RBFOX1: variants seen among roughly 807,000 people sequenced by gnomAD.
RBFOX1 encodes RNA binding fox-1 homolog 1, also known as RNA binding protein fox-1 homolog 1.
Under a neutral mutation model 57.7 loss-of-function variants are expected in RBFOX1, and 8 were observed. The observed-to-expected ratio is 0.14, with a 90% CI of 0.08 to 0.25. The LOEUF (loss-of-function observed/expected upper bound fraction) is 0.25, where lower values mean the gene tolerates loss of function less well. Ranked by LOEUF, RBFOX1 falls within the 10% of genes least tolerant of loss-of-function variation. The pLI is 1.00. For synonymous variants in RBFOX1, 326 were observed against 222.4 expected, an observed-to-expected ratio of 1.47 and a Z score of -4.15; for missense variants, 611 against 548.5, an observed-to-expected ratio of 1.11 and a Z score of -1.14.
intron 3 of RBFOX1, among the ~76,000 whole-genome samples, chr16:6,894,228 G>C (rs762291830): frequency 6.6e-6 from 1 of 152,078 alleles, no homozygotes; most frequent in Admixed American, 6.6e-5. Context: ...TGCATTTTCT[G>C]TCACAGATGG....
intron 3 of RBFOX1, among the ~76,000 whole-genome samples, chr16:6,886,628 A>T (rs529833755): frequency 6.6e-6 from 1 of 151,986 alleles, no homozygotes; most frequent in Admixed American, 6.6e-5. Context: ...GGTGGTGCTC[A>T]CCTGTAATCC....
At chr16:7,440,977 C>T (rs548413440) in intron 4 of RBFOX1, among the ~76,000 whole-genome samples, 3 of 152,072 alleles carry the variant, frequency 2.0e-5, no homozygotes, top group Admixed American at 6.5e-5. Flanking sequence ...CAGAGTTTGA[C>T]GTTGCGCTGA....
At chr16:6,556,683 C>T (rs74005284) in intron 2 of RBFOX1, among the ~76,000 whole-genome samples, 1 of 152,032 alleles carries the variant, frequency 6.6e-6, no homozygotes, top group African/African-American at 2.4e-5. Context: ...GTTATAATCA[C>T]ATGATATAGA....
intron 1 of RBFOX1, among the ~76,000 whole-genome samples, chr16:6,137,770 G>A (rs2152692323): frequency 6.6e-6 from 1 of 151,864 alleles, no homozygotes; most frequent in East Asian, 1.9e-4. Flanking sequence ...ATCACACCTG[G>A]CTAATTTTTA....
At chr16:6,700,456 G>C (rs1179028563) in intron 3 of RBFOX1, among the ~76,000 whole-genome samples, 1 of 151,986 alleles carries the variant, frequency 6.6e-6, no homozygotes, top group Non-Finnish European at 1.5e-5. Context: ...TCAGGAGTTG[G>C]AGACCAGCCT....
At chr16:5,478,903 G>C (rs2069424367) in intron 2 of RBFOX1, among the ~76,000 whole-genome samples, 1 of 152,136 alleles carries the variant, frequency 6.6e-6, no homozygotes, top group Non-Finnish European at 1.5e-5. Flanking sequence ...TCTGTATTTG[G>C]GTTTAGGGAT....
At chr16:5,960,688 A>G (rs1225106672) in intron 4 of RBFOX1, among the ~76,000 whole-genome samples, 1 of 152,120 alleles carries the variant, frequency 6.6e-6, no homozygotes, top group East Asian at 1.9e-4. Flanking sequence ...TCCCTGAAAG[A>G]GTTTTCAACT....
chr16:7,379,145 T>C (rs560365549), intron 4 of RBFOX1, among the ~76,000 whole-genome samples: 16 of 152,206 alleles, frequency 1.1e-4, no homozygotes, highest in South Asian at 1.0e-3. Context: ...TTGTTAATAG[T>C]GGGGATAGCA....
chr16:6,786,752 G>T (rs139539369), intron 3 of RBFOX1, among the ~76,000 whole-genome samples: 1 of 152,214 alleles, frequency 6.6e-6, no homozygotes, highest in East Asian at 1.9e-4. Flanking sequence ...AGTTGGAAAT[G>T]AGATACTTAA....
intron 4 of RBFOX1, among the ~76,000 whole-genome samples, chr16:5,960,738 T>C (rs1310529364): frequency 6.6e-6 from 1 of 152,288 alleles, no homozygotes; most frequent in Admixed American, 6.5e-5. Context: ...ATTCTGTCAG[T>C]GTGGAGCAAC....
At chr16:7,500,129 A>G (rs2070215121) in intron 4 of RBFOX1, among the ~76,000 whole-genome samples, 1 of 152,158 alleles carries the variant, frequency 6.6e-6, no homozygotes, top group Non-Finnish European at 1.5e-5. Flanking sequence ...TAGCTACGGA[A>G]GAATAATATT....
chr16:5,566,477 G>A (rs556774658), intron 2 of RBFOX1, among the ~76,000 whole-genome samples: 1 of 151,798 alleles, frequency 6.6e-6, no homozygotes, highest in Non-Finnish European at 1.5e-5. Context: ...CCGCTCCCTC[G>A]GGTTGTTATA....
chr16:7,195,468 C>G (rs914633700), intron 4 of RBFOX1, among the ~76,000 whole-genome samples: 2 of 152,312 alleles, frequency 1.3e-5, no homozygotes, highest in East Asian at 3.9e-4. Context: ...CAAGGCAAAA[C>G]AGAACAACTG....
At chr16:6,973,042 A>C (rs2085938836) in intron 3 of RBFOX1, among the ~76,000 whole-genome samples, 1 of 152,128 alleles carries the variant, frequency 6.6e-6, no homozygotes. Context: ...GAGGAAGTAG[A>C]ATCAGTTGAA....
chr16:7,205,247 G>T (rs932198504), intron 4 of RBFOX1, among the ~76,000 whole-genome samples: 1 of 152,104 alleles, frequency 6.6e-6, no homozygotes, highest in Non-Finnish European at 1.5e-5. Flanking sequence ...GCGGGGCGTG[G>T]CGGCTCACAC....
intron 3 of RBFOX1, among the ~76,000 whole-genome samples, chr16:6,961,708 C>A (rs914733936): frequency 6.6e-6 from 1 of 152,150 alleles, no homozygotes; most frequent in Non-Finnish European, 1.5e-5. Context: ...AGGTTCCTTC[C>A]TCACCTTTAG....
At chr16:6,850,573 T>A (rs565250185) in intron 3 of RBFOX1, among the ~76,000 whole-genome samples, 1 of 152,320 alleles carries the variant, frequency 6.6e-6, no homozygotes, top group Admixed American at 6.5e-5. Context: ...ATTATATCCC[T>A]ACTGGCCTTA....
intron 4 of RBFOX1, among the ~76,000 whole-genome samples, chr16:6,006,826 T>C (rs984166145): frequency 6.6e-6 from 1 of 152,058 alleles, no homozygotes; most frequent in Non-Finnish European, 1.5e-5. Context: ...CCTAAGAGGA[T>C]TGTAGGAGGG....
chr16:7,391,162 C>T (rs912202540), intron 4 of RBFOX1, among the ~76,000 whole-genome samples: 22 of 152,170 alleles, frequency 1.4e-4, no homozygotes, highest in African/African-American at 5.3e-4. Context: ...GCAGCATGTC[C>T]AGACACTGCC....
Sources: gnomAD v4.1 joint callset for allele counts (sites outside exome capture counted in the v4.1 genomes callset) on GRCh38, gnomAD v4.1.1 for gene constraint, MANE v1.5 for transcripts, NCBI Gene and HGNC (gene_info 2026-07-23, HGNC 2026-07-21) for gene names.